The following VWA3B variants were observed in gnomAD, a reference collection of about 807,000 sequenced individuals.
VWA3B encodes von Willebrand factor A domain-containing protein 3B.
A neutral mutation model predicts 158.3 loss-of-function variants in VWA3B; 138 were observed. The ratio of observed to expected loss-of-function variants is 0.87; its 90% CI spans 0.76 to 1.00. The LOEUF (loss-of-function observed/expected upper bound fraction) is 1.00, where lower values mean the gene tolerates loss of function less well. Ranked by LOEUF, VWA3B falls within the 50% of genes least tolerant of loss-of-function variation. The pLI is 0.00. For synonymous variants in VWA3B, 596 were observed against 587.3 expected, an observed-to-expected ratio of 1.01 and a Z score of -0.21; for missense variants, 1,555 against 1,565.1, an observed-to-expected ratio of 0.99 and a Z score of 0.11.
intron 8 of VWA3B, among the ~76,000 whole-genome samples, 179 bp from the exon 9 acceptor site, chr2:98,180,837 T>C (rs771331175): frequency 3.3e-5 from 5 of 152,270 alleles, no homozygotes; most frequent in Non-Finnish European, 5.9e-5. Flanking sequence ...TAGTCGTGGT[T>C]TTTGCCATTA....
At chr2:98,322,000 A>G in the VWA3B span, among the ~76,000 whole-genome samples, 1 of 152,098 alleles carries the variant, frequency 6.6e-6, no homozygotes, top group African/African-American at 2.4e-5. Context: ...ATGAGAGCTG[A>G]TGATTTCATA....
intron 6 of VWA3B, among the ~76,000 whole-genome samples, chr2:98,132,901 G>T (rs1228474046): frequency 6.6e-6 from 1 of 152,236 alleles, no homozygotes; most frequent in Non-Finnish European, 1.5e-5. Flanking sequence ...CATAGCCGCG[G>T]TGGGTTCCCT....
chr2:98,274,719 G>A (rs189059682), intron 22 of VWA3B, among the ~76,000 whole-genome samples: 246 of 152,266 alleles, frequency 1.6e-3, no homozygotes, highest in African/African-American at 5.6e-3. Flanking sequence ...GGACATTCAC[G>A]GATGTGTGTT....
At chr2:98,172,667 A>G (rs1679697436) in intron 8 of VWA3B, among the ~76,000 whole-genome samples, 1 of 152,076 alleles carries the variant, frequency 6.6e-6, no homozygotes, top group Admixed American at 6.6e-5. Context: ...TTCCGCATCA[A>G]TAGGACTTGG....
intron 20 of VWA3B, among the ~76,000 whole-genome samples, chr2:98,250,745 A>G (rs1217523852): frequency 6.6e-6 from 1 of 152,128 alleles, no homozygotes; most frequent in Non-Finnish European, 1.5e-5. Flanking sequence ...TGTACATTTA[A>G]AAATAATTAG....
chr2:98,221,938 A>G (rs1279377208), intron 14 of VWA3B, among the ~76,000 whole-genome samples: 1 of 152,158 alleles, frequency 6.6e-6, no homozygotes, highest in Non-Finnish European at 1.5e-5. Flanking sequence ...TATCAATGAA[A>G]GTGAAAAAAG....
At chr2:98,218,528 T>G (rs1192963595) in intron 14 of VWA3B, among the ~76,000 whole-genome samples, 1 of 152,198 alleles carries the variant, frequency 6.6e-6, no homozygotes, top group Non-Finnish European at 1.5e-5. Context: ...CAATGTCAGA[T>G]GTAGGTGGTT....
chr2:98,230,653 T>A (rs1307627617), intron 16 of VWA3B, among the ~76,000 whole-genome samples: 1 of 152,110 alleles, frequency 6.6e-6, no homozygotes, highest in African/African-American at 2.4e-5. Context: ...TGCCCTTTTA[T>A]AACCACACCC....
intron 22 of VWA3B, among the ~76,000 whole-genome samples, chr2:98,273,406 A>G (rs1688325373): frequency 6.6e-6 from 1 of 152,230 alleles, no homozygotes; most frequent in African/African-American, 2.4e-5. Context: ...TCATATGTCT[A>G]GTAATGTTAT....
intron 4 of VWA3B, 64 bp downstream of exon 4, chr2:98,119,827 T>C: frequency 6.3e-7 from 1 of 1,583,364 alleles, no homozygotes; most frequent in Non-Finnish European, 8.6e-7. Context: ...ATATTTGGAA[T>C]TAAGTAGCAC....
chr2:98,223,875 C>T (rs141738543), intron 14 of VWA3B, among the ~76,000 whole-genome samples: 17 of 152,110 alleles, frequency 1.1e-4, no homozygotes, highest in African/African-American at 3.6e-4. Context: ...GGACTACAGG[C>T]GTGTGCCACC....
chr2:98,147,427 A>G (rs1023652794), intron 7 of VWA3B, among the ~76,000 whole-genome samples: 4 of 152,196 alleles, frequency 2.6e-5, no homozygotes, highest in African/African-American at 9.6e-5. Context: ...TATATTTCCT[A>G]CAGGTCTTCT....
intron 7 of VWA3B, among the ~76,000 whole-genome samples, chr2:98,150,426 ATTC>A (rs1045121191): frequency 5.3e-5 from 8 of 152,230 alleles, no homozygotes; most frequent in Admixed American, 2.0e-4. Flanking sequence ...GTTCGTGGTC[ATTC>A]TTCTTTGACT....
intron 22 of VWA3B, among the ~76,000 whole-genome samples, chr2:98,286,619 G>A (rs1689179017): frequency 6.6e-6 from 1 of 151,982 alleles, no homozygotes; most frequent in African/African-American, 2.4e-5. Flanking sequence ...GCATTCCAGG[G>A]ACAAATCCGA....
chr2:98,282,581 C>T (rs1011562376), intron 22 of VWA3B, among the ~76,000 whole-genome samples: 9 of 151,622 alleles, frequency 5.9e-5, no homozygotes, highest in African/African-American at 1.9e-4. Context: ...GGATTACAGG[C>T]GCACGGCACC....
At chr2:98,217,702 T>C (rs1191783467) in intron 13 of VWA3B, 144 bp from the exon 14 acceptor site, 2 of 646,774 alleles carry the variant, frequency 3.1e-6, no homozygotes, top group African/African-American at 3.8e-5. Flanking sequence ...CTGAATTGAA[T>C]CGACATGTTT....
At chr2:98,253,030 A>T (rs530456629) in intron 20 of VWA3B, among the ~76,000 whole-genome samples, 1 of 152,174 alleles carries the variant, frequency 6.6e-6, no homozygotes, top group Non-Finnish European at 1.5e-5. Context: ...TGTTTGTATC[A>T]AGTAAATTAT....
intron 1 of VWA3B, 80 bp from the exon 2 acceptor site, chr2:98,092,981 T>C (rs1340382015): frequency 1.0e-6 from 1 of 980,564 alleles, no homozygotes; most frequent in Non-Finnish European, 1.5e-6. Flanking sequence ...TGTACTATAA[T>C]TTATGTTAAG....
At chr2:98,300,367 A>G (rs1199307258) in intron 25 of VWA3B, 151 bp downstream of exon 25, 5 of 1,151,030 alleles carry the variant, frequency 4.3e-6, no homozygotes, top group African/African-American at 1.6e-5. Flanking sequence ...CCACCGTGCC[A>G]CACAGACCCT....
Sources: allele counts gnomAD v4.1 joint callset (sites outside exome capture counted in the v4.1 genomes callset), GRCh38; gene constraint gnomAD v4.1.1; transcripts MANE v1.5; gene names NCBI Gene and HGNC (gene_info 2026-07-23, HGNC 2026-07-21).